LINS1: variants seen among roughly 807,000 people sequenced by gnomAD.
The protein encoded by LINS1 is protein Lines homolog 1.
LINS1 carries 27 observed loss-of-function variants against 41.6 expected under a neutral mutation model. The observed-to-expected ratio is 0.65, with a 90% CI of 0.48 to 0.89. The LOEUF is 0.89. LINS1 is among the 40% of genes least tolerant of loss of function. The probability of loss-of-function intolerance (pLI) is 0.00; values close to 1 mark genes in which losing one functional copy is unlikely to be tolerated. For synonymous variants in LINS1, 336 were observed against 312.9 expected (o/e 1.07, Z -0.78); for missense variants, 955 against 884.1 (o/e 1.08, Z -1.02).
At chr15:100,574,299 T>C (rs2038027834) in intron 4 of LINS1, 58 bp from the exon 5 acceptor site, 2 of 1,112,768 alleles carry the variant, frequency 1.8e-6, no homozygotes, top group Non-Finnish European at 2.7e-6. Flanking sequence ...CAAACAATTT[T>C]ACAATTCACT....
At chr15:100,580,066 A>G (rs189842559) in intron 3 of LINS1, among the ~76,000 whole-genome samples, 197 bp downstream of exon 3, 21 of 152,314 alleles carry the variant, frequency 1.4e-4, no homozygotes, top group African/African-American at 4.3e-4. Flanking sequence ...TAAAGAAACT[A>G]TAAGAGAAAC....
At position 100,574,091 on chromosome 15, in the gene LINS1, G is replaced by A; in HGVS notation, c.782C>T (p.Ala261Val). ...CFLDLLELLI[A>V]SRIHLKLHFT... ...ATGTAACTTCAGGTGGATTCTGGAG[G>A]CGATGAGAAGCTCAAGCAAATCCAG... Residue 261 changes from alanine to valine, a missense_variant, in exon 5 of 7, where the codon GCC becomes GTC. Coordinates refer to ENST00000314742, the MANE Select transcript of LINS1 (RefSeq NM_001040616.3). 3.7e-6 allele frequency: 6 copies of A among 1,614,184 alleles called. No individual in the cohort carries two copies. Among genetic ancestry groups the A allele is most frequent in the Non-Finnish European group, 5.1e-6 (6 of 1,180,014 alleles).
At chr15:100,587,105 G>A (rs142457854) in intron 1 of LINS1, among the ~76,000 whole-genome samples, 2,224 of 136,052 alleles carry the variant, frequency 0.016, 37 homozygotes, top group Non-Finnish European at 0.022. Flanking sequence ...GTTGCAGTGA[G>A]CCAAGATCAC....
chr15:100,595,795 G>C (rs1196484768), intron 1 of LINS1, among the ~76,000 whole-genome samples: 1 of 152,196 alleles, frequency 6.6e-6, no homozygotes, highest in Non-Finnish European at 1.5e-5. Context: ...TCTGACCACA[G>C]CCCAAGAGGC....
chr15:100,574,815 CT>C (rs201916286), intron 4 of LINS1, among the ~76,000 whole-genome samples, 171 bp downstream of exon 4: 2,386 of 152,190 alleles, frequency 0.016, 38 homozygotes, highest in Non-Finnish European at 0.022. Context: ...TTTCCTTATA[CT>C]TTTTTTTCTT....
intron 1 of LINS1, among the ~76,000 whole-genome samples, chr15:100,595,710 T>C (rs2039215289): frequency 6.6e-6 from 1 of 152,242 alleles, no homozygotes; most frequent in African/African-American, 2.4e-5. Context: ...TTATATGATG[T>C]GGCTACTACA....
intron 1 of LINS1, chr15:100,596,782 G>A (rs1014858849): frequency 6.6e-6 from 1 of 152,248 alleles, no homozygotes; most frequent in Non-Finnish European, 1.5e-5. Flanking sequence ...GAATGTAACA[G>A]AGGAAGCCTG....
In LINS1 at chr15:100,568,124, A is replaced by G. The variant is rs1366328535; in HGVS notation, c.*1114T>C. 1 of 151,024 alleles carries G rather than the reference A, an allele frequency of 6.6e-6. No individual in the cohort carries two copies. The highest frequency in any genetic ancestry group is 1.5e-5 in the Non-Finnish European group (1 of 67,654). The allele number at this position is 151,024 out of a possible 1,614,324, so 9.4% of individuals were successfully genotyped here. A position where few individuals can be genotyped will look rare whatever the true frequency, so the allele number is the denominator to read the frequency against. On this transcript the variant is annotated 3_prime_UTR_variant, in exon 7 of 7. Transcript: ENST00000314742. ...ATGGAACATAATTATTCATGTCACAATTTTAAATAGGAAAATTAGTGATTA... is the reference window on the plus strand; with the variant it reads ...ATGGAACATAATTATTCATGTCACAGTTTTAAATAGGAAAATTAGTGATTA...
At chr15:100,589,946 G>C (rs1177038716) in intron 1 of LINS1, among the ~76,000 whole-genome samples, 3 of 152,184 alleles carry the variant, frequency 2.0e-5, no homozygotes, top group African/African-American at 7.2e-5. Flanking sequence ...CTAAAGATTA[G>C]ATCTTCTGAG....
intron 5 of LINS1, chr15:100,572,283 TA>T: frequency 7.4e-7 from 1 of 1,352,582 alleles, no homozygotes; most frequent in South Asian, 1.5e-5. Flanking sequence ...AGCATACATT[TA>T]AAATGTACAG....
chr15:100,572,959 C>T lies in LINS1; in HGVS notation c.1222+692G>A, dbSNP rs1425560772. On this transcript the variant is annotated intron_variant, in intron 5 of 6. Transcript: ENST00000314742. ...ACGAGAGGATCACTTCAGCTCAAAACGTTGAGGCTGCAGTGAGCCTGGGAG... is the reference window on the plus strand; with the variant it reads ...ACGAGAGGATCACTTCAGCTCAAAATGTTGAGGCTGCAGTGAGCCTGGGAG... 11 of 434,768 alleles carry T rather than the reference C, an allele frequency of 2.5e-5. No homozygotes were observed. In the East Asian group the frequency reaches 5.4e-4, roughly 21 times the overall value. The allele number at this position is 434,768 out of a possible 1,614,324, so 26.9% of individuals were successfully genotyped here. A position where few individuals can be genotyped will look rare whatever the true frequency, so the allele number is the denominator to read the frequency against.
In LINS1 at chr15:100,574,996, G is replaced by C; in HGVS notation, c.622C>G (p.Gln208Glu). 1 of 1,612,510 alleles carries C rather than the reference G, an allele frequency of 6.2e-7. No individual in the cohort carries two copies. The highest frequency in any genetic ancestry group is 8.5e-7 in the Non-Finnish European group (1 of 1,179,400). ...GCCATGTAATCCATACCTGTTTTCTGTGAACATGAATCTTTAAAGATTTCT... is the reference window on the plus strand; with the variant it reads ...GCCATGTAATCCATACCTGTTTTCTCTGAACATGAATCTTTAAAGATTTCT... ...IKEIFKDSCSQKTEILKQFLT... is the reference protein window; with the variant it reads ...IKEIFKDSCSEKTEILKQFLT... The change falls in exon 4 of 7, where the codon CAG becomes GAG. Residue 208 changes from glutamine (Q) to glutamate (E), a missense_variant. Gln to Glu is a conservative substitution (Grantham distance 29). Transcript: ENST00000314742.
At chr15:100,599,911 C>T (rs1481240398) in intron 1 of LINS1, among the ~76,000 whole-genome samples, 5 of 151,986 alleles carry the variant, frequency 3.3e-5, no homozygotes, top group African/African-American at 1.2e-4. Context: ...ACTAAAAATA[C>T]AAAAATTAGC....
rs2141279028 is a variant in LINS1 at position 100,574,010 on chromosome 15, G to A, written c.863C>T (p.Thr288Ile). ...TTTAACAAAAGCCTGAATAGGCCAG[G>A]TAATAACTTCTAGCATGCAAGATGG... is the stretch of plus-strand genomic sequence containing the variant. ...LKPSCMLEVI[T>I]WPIQAFVKRK... Residue 288 changes from threonine (T) to isoleucine (I), a missense_variant, in exon 5 of 7, where the codon ACC becomes ATC. Physicochemically the swap from Thr to Ile is moderately conservative, Grantham distance 89. Coordinates refer to ENST00000314742, the MANE Select transcript of LINS1 (RefSeq NM_001040616.3). 1 of 1,614,100 alleles carries A rather than the reference G, an allele frequency of 6.2e-7. No individual in the cohort carries two copies. The highest frequency in any genetic ancestry group is 1.1e-5 in the South Asian group (1 of 91,088).
At chr15:100,586,962 C>T (rs2038828896) in intron 1 of LINS1, among the ~76,000 whole-genome samples, 1 of 151,740 alleles carries the variant, frequency 6.6e-6, no homozygotes, top group Non-Finnish European at 1.5e-5. Context: ...AGATCGAGAC[C>T]ATCCTGGCCA....
chr15:100,598,357 A>G (rs2141366568), intron 1 of LINS1, among the ~76,000 whole-genome samples: 1 of 152,350 alleles, frequency 6.6e-6, no homozygotes, highest in South Asian at 2.1e-4. Context: ...TGATCTCAAA[A>G]AACTTTAAAA....
At chr15:100,582,689 C>T (rs138660889) in intron 1 of LINS1, among the ~76,000 whole-genome samples, 1,840 of 148,754 alleles carry the variant, frequency 0.012, 11 homozygotes, top group Non-Finnish European at 0.018. Flanking sequence ...TATACTGGGT[C>T]TTCCATCTAC....
chr15:100,591,921 T>C (rs550921009), intron 1 of LINS1, among the ~76,000 whole-genome samples: 1 of 152,276 alleles, frequency 6.6e-6, no homozygotes, highest in Admixed American at 6.5e-5. Context: ...ATCACATCTT[T>C]CTGGGGGGAA....
chr15:100,578,765 G>C (rs2038345719), intron 3 of LINS1, among the ~76,000 whole-genome samples: 1 of 152,072 alleles, frequency 6.6e-6, no homozygotes, highest in African/African-American at 2.4e-5. Context: ...GCAAAGACTT[G>C]GAACCAACCC....
Sources: allele counts gnomAD v4.1 joint callset (sites outside exome capture counted in the v4.1 genomes callset), GRCh38; gene constraint gnomAD v4.1.1; transcripts MANE v1.5; gene names NCBI Gene and HGNC (gene_info 2026-07-23, HGNC 2026-07-21).